ERBB4: variants seen among roughly 807,000 people sequenced by gnomAD.
ERBB4 encodes receptor tyrosine-protein kinase erbB-4.
Under a neutral mutation model 158.0 loss-of-function variants are expected in ERBB4, and 42 were observed. That is an observed-to-expected ratio of 0.27 (90% confidence interval 0.21 to 0.34). ERBB4 has a LOEUF of 0.34. Among genes scored for constraint, ERBB4 ranks in the 10% least tolerant of loss-of-function variants. The pLI is 1.00. For synonymous variants in ERBB4, 583 were observed against 558.7 expected, an observed-to-expected ratio of 1.04 and a Z score of -0.61; for missense variants, 1,333 against 1,624.1, an observed-to-expected ratio of 0.82 and a Z score of 3.08.
chr2:211,580,799 TA>T (rs1440617306), intron 19 of ERBB4, among the ~76,000 whole-genome samples: 185 of 17,318 alleles, frequency 0.011, 24 homozygotes, highest in African/African-American at 0.095. Flanking sequence ...TATATATATA[TA>T]TATATATATA....
At chr2:212,297,963 ATAAG>A (rs527433967) in intron 1 of ERBB4, among the ~76,000 whole-genome samples, 486 of 151,930 alleles carry the variant, frequency 3.2e-3, no homozygotes, top group Non-Finnish European at 4.2e-3. Flanking sequence ...GAAATAGCAA[ATAAG>A]TAAGAACATT....
chr2:211,383,639 G>A lies in ERBB4; in HGVS notation c.3903C>T (p.Tyr1301=), dbSNP rs752842064. The A allele has an allele frequency of 1.2e-6, 2 of 1,613,442 alleles. No individual in the cohort carries two copies. Among genetic ancestry groups the A allele is most frequent in the African/African-American group, 1.3e-5 (1 of 74,892 alleles). The change falls in exon 28 of 28, where the codon TAC becomes TAT. Residue 1301 remains tyrosine, a synonymous_variant. Coordinates refer to ENST00000342788, the MANE Select transcript of ERBB4 (RefSeq NM_005235.3). ...KPGTVLPPPP[Y]RHRNTVV is the part of the protein sequence containing the mutation. Reference sequence around the variant, plus strand: ...CTTACACCACAGTATTCCGGTGTCTGTAAGGTGGAGGCGGCAGCACAGTGC... The same window carrying A: ...CTTACACCACAGTATTCCGGTGTCTATAAGGTGGAGGCGGCAGCACAGTGC...
At chr2:212,367,530 AAGGATTTCATGACCAAG>A (rs2089935533) in intron 1 of ERBB4, among the ~76,000 whole-genome samples, 1 of 152,116 alleles carries the variant, frequency 6.6e-6, no homozygotes, top group Admixed American at 6.6e-5. Flanking sequence ...TGGCTTAGTC[AAGGATTTCATGACCAAG>A]AACCCAAAGC....
chr2:211,425,209 A>G (rs1278527169), intron 22 of ERBB4, among the ~76,000 whole-genome samples: 1 of 152,166 alleles, frequency 6.6e-6, no homozygotes, highest in African/African-American at 2.4e-5. Flanking sequence ...TGATGTGTAT[A>G]TACAGTCATC....
chr2:211,823,129 C>A (rs1316325712), intron 3 of ERBB4, among the ~76,000 whole-genome samples: 3 of 151,932 alleles, frequency 2.0e-5, no homozygotes, highest in Non-Finnish European at 2.9e-5. Context: ...GTATAAATCA[C>A]CAGACCAGAA....
intron 25 of ERBB4, among the ~76,000 whole-genome samples, chr2:211,402,326 T>C (rs1343982496): frequency 2.0e-5 from 3 of 152,016 alleles, no homozygotes; most frequent in Admixed American, 1.3e-4. Context: ...TCAATTCTGG[T>C]GAAGAAAATT....
rs190028243 is a variant in ERBB4 at position 212,139,924 on chromosome 2, T to G, written c.83-15021A>C. Among the ~76,000 whole-genome samples the G allele has an allele frequency of 6.6e-3, 1,007 of 151,644 alleles. 7 individuals are homozygous for G. Among genetic ancestry groups the G allele is most frequent in the Middle Eastern group, 0.024 (7 of 294 alleles). ...TGCACTTTATGATAAATTATATAAA[T>G]AAGTATCTTTTTTATTATAGAATTC... On this transcript the variant is annotated intron_variant, in intron 1 of 27. Transcript: ENST00000342788.
At chr2:212,065,955 C>A (rs979155833) in intron 2 of ERBB4, among the ~76,000 whole-genome samples, 1 of 151,946 alleles carries the variant, frequency 6.6e-6, no homozygotes, top group African/African-American at 2.4e-5. Context: ...TGGTTGAAAG[C>A]AGTTGGTCTC....
At position 211,788,119 on chromosome 2, in the gene ERBB4, G is replaced by C; in HGVS notation, c.462C>G (p.Phe154Leu). Residue 154 changes from phenylalanine (F) to leucine (L), a missense_variant, in exon 4 of 28, where the codon TTC becomes TTG. By Grantham distance (22) the Phe-to-Leu change is conservative. Transcript: ENST00000342788. The part of the protein sequence containing the change: ...NGGVYVDQNK[F>L]LCYADTIHWQ... The stretch of plus-strand genomic sequence containing the variant: ...AATGAATGGTGTCTGCATAACAAAG[G>C]AATTTGTTCTGGTCTACATAGACTC... The C allele has an allele frequency of 1.2e-6, 2 of 1,611,258 alleles. No individual in the cohort carries two copies. Among genetic ancestry groups the C allele is most frequent in the Non-Finnish European group, 1.7e-6 (2 of 1,177,550 alleles).
chr2:211,592,000 T>A (rs940167576), intron 19 of ERBB4, among the ~76,000 whole-genome samples: 9 of 152,196 alleles, frequency 5.9e-5, no homozygotes, highest in African/African-American at 2.2e-4. Context: ...CTCAAAATTC[T>A]CTCGGCCCCG....
chr2:212,025,048 G>C (rs183057293), intron 2 of ERBB4, among the ~76,000 whole-genome samples: 227 of 151,872 alleles, frequency 1.5e-3, no homozygotes, highest in Admixed American at 7.4e-3. Context: ...GCATATAGTA[G>C]ACACCTAATA....
chr2:212,413,834 GATAT>G (rs1235624450), intron 1 of ERBB4, among the ~76,000 whole-genome samples: 1 of 152,112 alleles, frequency 6.6e-6, no homozygotes, highest in African/African-American at 2.4e-5. Context: ...TTCCACTGAT[GATAT>G]ATTATCTATA....
chr2:212,201,562 A>G (rs2082587948), intron 1 of ERBB4, among the ~76,000 whole-genome samples: 2 of 152,208 alleles, frequency 1.3e-5, no homozygotes, highest in African/African-American at 4.8e-5. Flanking sequence ...TGTTCTTTAA[A>G]TAATATTGAT....
intron 27 of ERBB4, among the ~76,000 whole-genome samples, chr2:211,386,643 C>A (rs2062690038): frequency 1.3e-5 from 2 of 152,190 alleles, no homozygotes; most frequent in Non-Finnish European, 2.9e-5. Context: ...TCAGACGGGG[C>A]CTGCCTGAGA....
chr2:212,307,585 G>A (rs1390924206), intron 1 of ERBB4, among the ~76,000 whole-genome samples: 6 of 150,690 alleles, frequency 4.0e-5, no homozygotes, highest in African/African-American at 7.3e-5. Context: ...CAAGGTTTTC[G>A]ATTTCTAATC....
At chr2:212,358,165 A>T (rs1008528547) in intron 1 of ERBB4, among the ~76,000 whole-genome samples, 3 of 151,860 alleles carry the variant, frequency 2.0e-5, no homozygotes, top group Admixed American at 1.3e-4. Context: ...ACATTTTTTT[A>T]AAAAGAACTA....
At chr2:211,945,223 T>C (rs903622023) in intron 3 of ERBB4, among the ~76,000 whole-genome samples, 1 of 152,132 alleles carries the variant, frequency 6.6e-6, no homozygotes, top group African/African-American at 2.4e-5. Context: ...GTTAGGTGTC[T>C]TCTATCATTT....
intron 1 of ERBB4, among the ~76,000 whole-genome samples, chr2:212,427,529 C>T (rs1012570139): frequency 6.6e-5 from 10 of 152,082 alleles, no homozygotes; most frequent in Non-Finnish European, 8.8e-5. Flanking sequence ...AAGTGTTTCG[C>T]ACTGTATGAG....
At position 211,722,514 on chromosome 2, in the gene ERBB4, G is replaced by C; in HGVS notation, c.762C>G (p.Asp254Glu). Residue 254 changes from aspartate (D) to glutamate (E), a missense_variant, in exon 7 of 28, where the codon GAC becomes GAG. Around this residue, in one of 5 missense-constraint regions of ERBB4, gnomAD observed 438 missense variants for 586.9 expected, o/e 0.75. Coordinates refer to ENST00000342788, the MANE Select transcript of ERBB4 (RefSeq NM_005235.3). ...TDCFACMNFN[D>E]SGACVTQCPQ... Reference sequence around the variant, plus strand: ...GACACTGAGTAACACATGCTCCACTGTCATTGAAATTCATGCAGGCCTGCA... The same window carrying C: ...GACACTGAGTAACACATGCTCCACTCTCATTGAAATTCATGCAGGCCTGCA... 5 of 1,613,962 alleles carry C rather than the reference G, an allele frequency of 3.1e-6. No individual in the cohort carries two copies. Among genetic ancestry groups the C allele is most frequent in the Non-Finnish European group, 4.2e-6 (5 of 1,179,892 alleles).
Sources: gnomAD v4.1 joint callset for allele counts (sites outside exome capture counted in the v4.1 genomes callset) on GRCh38, gnomAD v4.1.1 for gene constraint, gnomAD v4.1.1 regional missense constraint, MANE v1.5 for transcripts, NCBI Gene and HGNC (gene_info 2026-07-23, HGNC 2026-07-21) for gene names.